The following GABRG3 variants were observed in gnomAD, a reference collection of about 807,000 sequenced individuals.
GABRG3 encodes the protein gamma-aminobutyric acid type A receptor subunit gamma3, also known as gamma-aminobutyric acid receptor subunit gamma-3.
GABRG3 carries 25 observed loss-of-function variants against 48.8 expected under a neutral mutation model. That is an observed-to-expected ratio of 0.51 (90% CI 0.37 to 0.72). GABRG3 has a LOEUF of 0.72. GABRG3 is among the 30% of genes least tolerant of loss of function. The probability of loss-of-function intolerance (pLI) is 0.00; values close to 1 mark genes in which losing one functional copy is unlikely to be tolerated. For synonymous variants in GABRG3, 227 were observed against 217.6 expected (o/e 1.04, Z -0.38); for missense variants, 394 against 577.9 (o/e 0.68, Z 3.26).
intron 3 of GABRG3, among the ~76,000 whole-genome samples, chr15:27,222,251 G>A (rs1290731563): frequency 6.6e-6 from 1 of 152,214 alleles, no homozygotes; most frequent in Non-Finnish European, 1.5e-5. Flanking sequence ...AGGCTTGAAT[G>A]CTGGCTTCAT....
At chr15:27,350,716 A>G (rs148697093) in intron 5 of GABRG3, among the ~76,000 whole-genome samples, 1,913 of 152,242 alleles carry the variant, frequency 0.013, 39 homozygotes, top group African/African-American at 0.044. Context: ...GGAAGTCCCC[A>G]GAGCCATGGG....
At chr15:27,407,980 G>T (rs1887687978) in intron 5 of GABRG3, among the ~76,000 whole-genome samples, 1 of 152,208 alleles carries the variant, frequency 6.6e-6, no homozygotes, top group Non-Finnish European at 1.5e-5. Context: ...TGACAACAAT[G>T]CGGTAGTAAA....
chr15:27,300,622 A>G (rs2140492569), intron 3 of GABRG3, among the ~76,000 whole-genome samples: 1 of 148,532 alleles, frequency 6.7e-6, no homozygotes, highest in South Asian at 2.2e-4. Context: ...ACGCCATTGC[A>G]TTCCAGCCTG....
chr15:27,493,270 T>A (rs772757967), intron 6 of GABRG3, among the ~76,000 whole-genome samples: 109 of 152,252 alleles, frequency 7.2e-4, no homozygotes, highest in Admixed American at 1.2e-3. Context: ...TTCATATTTT[T>A]AAAAAAATCT....
chr15:27,339,625 C>T (rs368464183), intron 5 of GABRG3, among the ~76,000 whole-genome samples: 4 of 152,290 alleles, frequency 2.6e-5, no homozygotes, highest in East Asian at 3.9e-4. Context: ...GCTTCAGTAT[C>T]GTCCCCCAAT....
intron 3 of GABRG3, among the ~76,000 whole-genome samples, chr15:27,074,477 AGCTTG>A (rs574800887): frequency 1.3e-5 from 2 of 151,872 alleles, no homozygotes; most frequent in South Asian, 4.2e-4. Flanking sequence ...CAAGAGTCCA[AGCTTG>A]GCTTGGCTGG....
intron 5 of GABRG3, among the ~76,000 whole-genome samples, chr15:27,421,001 A>G (rs1031835366): frequency 6.6e-6 from 1 of 151,980 alleles, no homozygotes; most frequent in African/African-American, 2.4e-5. Flanking sequence ...ACAAACAAAA[A>G]AGAAACTCTT....
chr15:27,252,159 G>A (rs558957878), intron 3 of GABRG3, among the ~76,000 whole-genome samples: 11 of 152,236 alleles, frequency 7.2e-5, no homozygotes, highest in African/African-American at 1.7e-4. Flanking sequence ...TTGTGAAATC[G>A]GGGGACATAA....
intron 6 of GABRG3, among the ~76,000 whole-genome samples, chr15:27,512,999 T>C (rs1205797542): frequency 6.6e-6 from 1 of 152,118 alleles, no homozygotes; most frequent in Non-Finnish European, 1.5e-5. Context: ...TACTTCCCTA[T>C]GATCTTGGAC....
intron 2 of GABRG3, among the ~76,000 whole-genome samples, chr15:27,006,405 T>C (rs1300145555): frequency 6.6e-5 from 10 of 152,180 alleles, no homozygotes; most frequent in Non-Finnish European, 1.3e-4. Flanking sequence ...TCTCACCATG[T>C]TGCCAGGCTG....
chr15:27,037,320 T>C (rs1332910679), intron 3 of GABRG3, among the ~76,000 whole-genome samples: 1 of 152,046 alleles, frequency 6.6e-6, no homozygotes, highest in Non-Finnish European at 1.5e-5. Context: ...ATATAAGAGA[T>C]TCTGTAAGAA....
chr15:27,002,760 A>AAAGAAAG (rs1895474704), intron 2 of GABRG3, among the ~76,000 whole-genome samples: 2 of 125,930 alleles, frequency 1.6e-5, no homozygotes, highest in African/African-American at 3.1e-5. Flanking sequence ...AAAAAAAAAA[A>AAAGAAAG]AAAGGAAGGA....
chr15:27,213,302 A>C (rs1263859894), intron 3 of GABRG3, among the ~76,000 whole-genome samples: 1 of 152,234 alleles, frequency 6.6e-6, no homozygotes, highest in African/African-American at 2.4e-5. Flanking sequence ...CCACCAATTT[A>C]GTTTAAAGAT....
intron 5 of GABRG3, among the ~76,000 whole-genome samples, chr15:27,357,045 T>G (rs1250927753): frequency 1.3e-5 from 2 of 152,196 alleles, no homozygotes; most frequent in African/African-American, 4.8e-5. Flanking sequence ...TCACCAACAG[T>G]AGGAAGTTTA....
intron 5 of GABRG3, among the ~76,000 whole-genome samples, chr15:27,351,769 AGT>A (rs908264034): frequency 2.2e-5 from 3 of 136,138 alleles, no homozygotes; most frequent in African/African-American, 8.6e-5. Context: ...GTGTTTGTAT[AGT>A]GTGTGTTTGT....
chr15:27,457,376 C>T lies in GABRG3; in HGVS notation c.575-23274C>T, dbSNP rs1207722183. Among the ~76,000 whole-genome samples, 1 of 152,218 alleles carries T rather than the reference C, an allele frequency of 6.6e-6. No homozygotes were observed. Among genetic ancestry groups the T allele is most frequent in the Non-Finnish European group, 1.5e-5 (1 of 68,044 alleles). On this transcript the variant is annotated intron_variant, in intron 5 of 9. Transcript: ENST00000615808. The surrounding 1 kb of genome is among the most constrained non-coding windows in gnomAD (Gnocchi z 4.4). ...TTTTTTGCGTTTGTAGAAACATCAC[C>T]TTCAGACCTACATCCATCCAAAGGC...
chr15:27,416,529 G>C (rs922503110), intron 5 of GABRG3, among the ~76,000 whole-genome samples: 1 of 152,184 alleles, frequency 6.6e-6, no homozygotes, highest in Non-Finnish European at 1.5e-5. Flanking sequence ...AGCATGAGGG[G>C]CCTCCTATCT....
intron 2 of GABRG3, among the ~76,000 whole-genome samples, chr15:27,006,570 T>C (rs976301342): frequency 2.6e-5 from 4 of 152,182 alleles, no homozygotes; most frequent in African/African-American, 9.7e-5. Flanking sequence ...TTTCATGTCA[T>C]GGGGATTTGG....
At chr15:27,063,388 T>C (rs577465198) in intron 3 of GABRG3, among the ~76,000 whole-genome samples, 7 of 152,308 alleles carry the variant, frequency 4.6e-5, no homozygotes, top group African/African-American at 1.7e-4. Context: ...AGGTGGGGCC[T>C]GGTGGGAGGT....
Sources: allele counts gnomAD v4.1 joint callset (sites outside exome capture counted in the v4.1 genomes callset), GRCh38; gene constraint gnomAD v4.1.1; non-coding constraint Gnocchi (gnomAD v3.1); transcripts MANE v1.5; gene names NCBI Gene and HGNC (gene_info 2026-07-23, HGNC 2026-07-21).